Variants in ADGRL2 observed in about 807,000 individuals in gnomAD.
ADGRL2 encodes the protein adhesion G protein-coupled receptor L2.
A neutral mutation model predicts 157.4 loss-of-function variants in ADGRL2; 44 were observed. The observed-to-expected ratio is 0.28, with a 90% CI of 0.22 to 0.36. The LOEUF (loss-of-function observed/expected upper bound fraction) is 0.36. Among genes scored for constraint, ADGRL2 ranks in the 10% least tolerant of loss-of-function variants. The probability of loss-of-function intolerance (pLI) is 1.00; values close to 1 mark genes in which losing one functional copy is unlikely to be tolerated. For synonymous variants in ADGRL2, 585 were observed against 624.7 expected, an observed-to-expected ratio of 0.94 and a Z score of 0.95; for missense variants, 1,510 against 1,768.9, an observed-to-expected ratio of 0.85 and a Z score of 2.63.
At chr1:81,596,619 C>T (rs11163336) in intron 3 of ADGRL2, 116,378 of 154,086 alleles carry the variant, frequency 0.76, 44,129 homozygotes, top group Admixed American at 0.79. Context: ...AGTGTCTTCC[C>T]CAAAGAGGGA....
At chr1:81,748,737 G>C (rs552949182) in intron 1 of ADGRL2, among the ~76,000 whole-genome samples, 1 of 151,468 alleles carries the variant, frequency 6.6e-6, no homozygotes, top group East Asian at 2.0e-4. Context: ...GCATGATCTC[G>C]GCTCAGTGCA....
At chr1:81,844,315 G>C (rs1238560401) in intron 2 of ADGRL2, among the ~76,000 whole-genome samples, 1 of 152,082 alleles carries the variant, frequency 6.6e-6, no homozygotes, top group African/African-American at 2.4e-5. Context: ...TTAATTTTGT[G>C]GAACTGTGAT....
intron 1 of ADGRL2, among the ~76,000 whole-genome samples, chr1:81,835,084 T>C (rs2092198307): frequency 6.6e-6 from 1 of 152,134 alleles, no homozygotes; most frequent in Non-Finnish European, 1.5e-5. Flanking sequence ...AAGGGCTCTT[T>C]GAATAGTGGA....
intron 3 of ADGRL2, among the ~76,000 whole-genome samples, chr1:81,655,975 G>T (rs963299767): frequency 2.6e-4 from 40 of 152,260 alleles, no homozygotes; most frequent in African/African-American, 9.6e-4. Flanking sequence ...TTTGGGAAAG[G>T]CTGAATGGGT....
intron 1 of ADGRL2, among the ~76,000 whole-genome samples, chr1:81,366,199 G>A (rs1220544224): frequency 6.6e-6 from 1 of 151,740 alleles, no homozygotes; most frequent in Non-Finnish European, 1.5e-5. Context: ...TAATGTTTAA[G>A]AGTAAGCTGT....
At chr1:81,471,049 T>C (rs1052585000) in intron 2 of ADGRL2, among the ~76,000 whole-genome samples, 1 of 152,090 alleles carries the variant, frequency 6.6e-6, no homozygotes, top group Non-Finnish European at 1.5e-5. Flanking sequence ...AAGGTGTAAA[T>C]AATATTTTAT....
At chr1:81,729,120 AATTT>A (rs2084637820) in intron 1 of ADGRL2, among the ~76,000 whole-genome samples, 1 of 149,926 alleles carries the variant, frequency 6.7e-6, no homozygotes, top group Non-Finnish European at 1.5e-5. Context: ...ATTATATAAT[AATTT>A]ATTAATCTAA....
At chr1:81,333,710 C>T (rs899864950) in intron 1 of ADGRL2, among the ~76,000 whole-genome samples, 5 of 150,568 alleles carry the variant, frequency 3.3e-5, no homozygotes, top group African/African-American at 1.2e-4. Flanking sequence ...GCCACAGAAC[C>T]TGGCCTCCTT....
intron 2 of ADGRL2, among the ~76,000 whole-genome samples, chr1:81,542,065 C>T (rs2079899146): frequency 6.6e-6 from 1 of 152,188 alleles, no homozygotes; most frequent in African/African-American, 2.4e-5. Context: ...TATAGTTTTG[C>T]TACTTAAATT....
chr1:81,668,002 A>G (rs2148903561), intron 3 of ADGRL2, among the ~76,000 whole-genome samples: 1 of 152,316 alleles, frequency 6.6e-6, no homozygotes, highest in South Asian at 2.1e-4. Flanking sequence ...TTTTGAAATC[A>G]TTATGAAATC....
intron 2 of ADGRL2, among the ~76,000 whole-genome samples, chr1:81,548,649 C>G (rs1275813009): frequency 6.6e-6 from 1 of 152,026 alleles, no homozygotes; most frequent in Non-Finnish European, 1.5e-5. Context: ...CAATTTTGAT[C>G]TACAGGACAT....
intron 2 of ADGRL2, among the ~76,000 whole-genome samples, chr1:81,784,020 A>G (rs913648379): frequency 3.9e-5 from 6 of 152,174 alleles, no homozygotes; most frequent in Admixed American, 6.5e-5. Context: ...AGCTTCCATA[A>G]CATGCTTAAA....
At position 81,369,331 on chromosome 1, in the gene ADGRL2, T is replaced by C. The variant is rs140476115; in HGVS notation, c.-302+62822T>C. Among the ~76,000 whole-genome samples the C allele has an allele frequency of 3.0e-3, 462 of 152,248 alleles. 7 individuals carry two copies. In the South Asian group the frequency reaches 0.048, roughly 16 times the overall value. ...AACTTATAGACTTGAAAAAATACAG[T>C]CTATATATACATAGCTTTTTAAACT... On this transcript the variant is annotated intron_variant, in intron 1 of 24. Transcript: ENST00000370721.
intron 2 of ADGRL2, among the ~76,000 whole-genome samples, chr1:81,560,771 C>T (rs1005294061): frequency 3.9e-5 from 6 of 151,986 alleles, no homozygotes; most frequent in African/African-American, 1.4e-4. Flanking sequence ...ACTGGTCATT[C>T]GGGAATCAGT....
intron 3 of ADGRL2, among the ~76,000 whole-genome samples, chr1:81,590,487 C>A (rs748290360): frequency 6.6e-6 from 1 of 151,990 alleles, no homozygotes; most frequent in African/African-American, 2.4e-5. Flanking sequence ...CCCTGTGGCC[C>A]CTGTTAATCA....
At chr1:81,767,878 A>G (rs2086198181) in intron 2 of ADGRL2, among the ~76,000 whole-genome samples, 1 of 151,626 alleles carries the variant, frequency 6.6e-6, no homozygotes, top group African/African-American at 2.4e-5. Flanking sequence ...AGAAAAAAAA[A>G]AAAGAAATTG....
intron 7 of ADGRL2, 77 bp from the exon 8 acceptor site, chr1:81,950,941 G>T (rs1651581206): frequency 2.2e-6 from 2 of 898,030 alleles, no homozygotes; most frequent in East Asian, 4.9e-5. Context: ...ACGCAGAGCA[G>T]GATCATCATA....
chr1:81,543,769 GCCAAAGTCCTCA>G (rs1486362717), intron 2 of ADGRL2, among the ~76,000 whole-genome samples: 1 of 152,066 alleles, frequency 6.6e-6, no homozygotes, highest in Non-Finnish European at 1.5e-5. Context: ...CAGAACAAAA[GCCAAAGTCCTCA>G]CCATGTCCTG....
At chr1:81,656,030 A>G (rs987063081) in intron 3 of ADGRL2, among the ~76,000 whole-genome samples, 3 of 152,212 alleles carry the variant, frequency 2.0e-5, no homozygotes, top group African/African-American at 7.2e-5. Flanking sequence ...CAAACAGAGT[A>G]TACCCTTTTT....
Sources: allele counts gnomAD v4.1 joint callset (sites outside exome capture counted in the v4.1 genomes callset), GRCh38; gene constraint gnomAD v4.1.1; transcripts MANE v1.5; gene names NCBI Gene and HGNC (gene_info 2026-07-23, HGNC 2026-07-21).